Variants in RXRA observed in about 807,000 individuals in gnomAD.
The protein encoded by RXRA is retinoid X receptor alpha.
A neutral mutation model predicts 44.5 loss-of-function variants in RXRA; 5 were observed. That is an observed-to-expected ratio of 0.11 (90% CI 0.06 to 0.24). The LOEUF (loss-of-function observed/expected upper bound fraction) is 0.24. Ranked by LOEUF, RXRA falls within the 10% of genes least tolerant of loss-of-function variation. The pLI is 1.00. For synonymous variants in RXRA, 291 were observed against 271.4 expected (o/e 1.07, Z -0.71); for missense variants, 412 against 646.5 (o/e 0.64, Z 3.93).
intron 1 of RXRA, among the ~76,000 whole-genome samples, chr9:134,398,972 C>T (rs796561244): frequency 3.3e-5 from 5 of 152,386 alleles, no homozygotes; most frequent in African/African-American, 1.2e-4. Context: ...CTTGTCCCTT[C>T]TGCCTTGAAG....
chr9:134,368,837 T>G (rs1000641667), intron 1 of RXRA, among the ~76,000 whole-genome samples: 5 of 148,562 alleles, frequency 3.4e-5, no homozygotes, highest in Admixed American at 2.7e-4. Context: ...TATGTGTGAC[T>G]GCATATGTGT....
At chr9:134,406,250 T>G (rs1536474) in intron 2 of RXRA, 93,492 of 151,590 alleles carry the variant, frequency 0.62, 31,549 homozygotes, top group East Asian at 0.78. Flanking sequence ...AAAAAATAGC[T>G]GAGTGCAGTG....
chr9:134,379,497 C>T (rs980653727), intron 1 of RXRA: 1 of 986,510 alleles, frequency 1.0e-6, no homozygotes, highest in African/African-American at 1.7e-5. Flanking sequence ...CGCTGCCCAT[C>T]ACTGACCGTC....
chr9:134,418,558 G>A (rs1319336559), intron 5 of RXRA, among the ~76,000 whole-genome samples: 6 of 152,180 alleles, frequency 3.9e-5, no homozygotes, highest in Non-Finnish European at 7.4e-5. Context: ...CAGGGCCTTC[G>A]TGCTTGCAGC....
At chr9:134,428,874 G>A (rs191495585) in intron 6 of RXRA, among the ~76,000 whole-genome samples, 56 of 152,344 alleles carry the variant, frequency 3.7e-4, no homozygotes, top group Admixed American at 7.2e-4. Flanking sequence ...GTTCCACAAA[G>A]CTCAAGGGAC....
chr9:134,421,140 T>C (rs905317525), intron 5 of RXRA, among the ~76,000 whole-genome samples: 1 of 152,214 alleles, frequency 6.6e-6, no homozygotes, highest in East Asian at 1.9e-4. Context: ...TGCGTCCTGC[T>C]GTAACCCAGT....
At chr9:134,392,587 C>T (rs954560963) in intron 1 of RXRA, among the ~76,000 whole-genome samples, 1 of 152,178 alleles carries the variant, frequency 6.6e-6, no homozygotes, top group African/African-American at 2.4e-5. Flanking sequence ...CTGGCTGGGC[C>T]AAGCCCTCCT....
At chr9:134,327,248 C>T in intron 1 of RXRA, among the ~76,000 whole-genome samples, 1 of 152,138 alleles carries the variant, frequency 6.6e-6, no homozygotes, top group East Asian at 1.9e-4. Context: ...TGGGAAGGCC[C>T]CATTCCAGAA....
intron 4 of RXRA, among the ~76,000 whole-genome samples, chr9:134,412,174 G>T (rs35802086): frequency 0.026 from 3,943 of 152,336 alleles, 130 homozygotes; most frequent in South Asian, 0.11. Context: ...CCTGGAGAAA[G>T]CTATGGGGCC....
chr9:134,352,064 G>C (rs544466563), intron 1 of RXRA, among the ~76,000 whole-genome samples: 3 of 152,224 alleles, frequency 2.0e-5, no homozygotes, highest in Non-Finnish European at 4.4e-5. Context: ...CGGGGAGGGA[G>C]CGAGGCTGCA....
chr9:134,391,898 G>A (rs1830805871), intron 1 of RXRA, among the ~76,000 whole-genome samples: 1 of 152,224 alleles, frequency 6.6e-6, no homozygotes, highest in African/African-American at 2.4e-5. Context: ...GCAGGACGGG[G>A]GCAGGAGGAG....
At chr9:134,392,943 G>A (rs1482945564) in intron 1 of RXRA, among the ~76,000 whole-genome samples, 4 of 152,096 alleles carry the variant, frequency 2.6e-5, no homozygotes, top group Admixed American at 6.5e-5. Context: ...GTCATTGCCA[G>A]CCCCTCAGCC....
rs1199560025 is a variant in RXRA at position 134,407,691 on chromosome 9, T to C, written c.280-458T>C. 1.3e-5 allele frequency among the ~76,000 whole-genome samples: 2 copies of C among 152,020 alleles called. No individual in the cohort carries two copies. The highest frequency in any genetic ancestry group is 2.4e-5 in the African/African-American group (1 of 41,394). ...TTCTTGGGGGGGTCCCCAGCCCTCC[T>C]CCGTCCTGGGAACTGGGCTTCGGCG... On this transcript the variant is annotated intron_variant, in intron 2 of 9. Coordinates refer to ENST00000481739, the MANE Select transcript of RXRA (RefSeq NM_002957.6). This position sits in a 1 kb window ranked among gnomAD's most constrained non-coding sequence, Gnocchi z 4.8.
In RXRA at chr9:134,326,491, C is replaced by T. The variant is rs1316441040; in HGVS notation, c.-141C>T. 7.0e-6 allele frequency: 1 copy of T among 142,368 alleles called. No individual in the cohort carries two copies. The highest frequency in any genetic ancestry group is 2.1e-4 in the East Asian group (1 of 4,702). 8.8% of individuals were successfully genotyped at this position (142,368 alleles called of 1,614,324 possible). A position where few individuals can be genotyped will look rare whatever the true frequency, so the allele number is the denominator to read the frequency against. On this transcript the variant is annotated 5_prime_UTR_variant, in exon 1 of 10. Coordinates refer to ENST00000481739, the MANE Select transcript of RXRA (RefSeq NM_002957.6). ...TTGGGCGACTTTTGCAACAACTCGC[C>T]GCGCCGCGGCCTCCGCGCGCCGCCG... is the stretch of plus-strand genomic sequence containing the variant.
chr9:134,412,742 C>T (rs1316129754), intron 4 of RXRA, among the ~76,000 whole-genome samples: 1 of 152,132 alleles, frequency 6.6e-6, no homozygotes, highest in African/African-American at 2.4e-5. Flanking sequence ...GGGACACGTG[C>T]TCTGATGGGG....
At chr9:134,389,325 G>A (rs546150208) in intron 1 of RXRA, among the ~76,000 whole-genome samples, 1 of 152,212 alleles carries the variant, frequency 6.6e-6, no homozygotes, top group Non-Finnish European at 1.5e-5. Context: ...ATCCAGAGAA[G>A]TGGACGTTGG....
At chr9:134,333,791 G>T (rs1317729247) in intron 1 of RXRA, among the ~76,000 whole-genome samples, 16 of 152,164 alleles carry the variant, frequency 1.1e-4, no homozygotes, top group Non-Finnish European at 2.1e-4. Flanking sequence ...GGCTGGAGTC[G>T]CTGGGGTGGG....
rs1427305126 is a variant in RXRA at position 134,436,448 on chromosome 9, C to T, written c.1242-19C>T. ...GCCCATGCCCCTTGCCCGGCCCTCA[C>T]CAGACCTGTTCCCTGCAGGTTCGCT... On this transcript the variant is annotated intron_variant, in intron 9 of 9. Coordinates refer to ENST00000481739, the MANE Select transcript of RXRA (RefSeq NM_002957.6). 3.7e-6 allele frequency: 6 copies of T among 1,612,996 alleles called. No homozygotes were observed. Among genetic ancestry groups the T allele is most frequent in the Non-Finnish European group, 5.1e-6 (6 of 1,179,666 alleles).
At chr9:134,377,250 A>G (rs1830569573) in intron 1 of RXRA, among the ~76,000 whole-genome samples, 1 of 152,146 alleles carries the variant, frequency 6.6e-6, no homozygotes, top group African/African-American at 2.4e-5. Context: ...CGCCAGCCCC[A>G]GGGGTGTTGG....
Sources: gnomAD v4.1 joint callset for allele counts (sites outside exome capture counted in the v4.1 genomes callset) on GRCh38, gnomAD v4.1.1 for gene constraint, Gnocchi (gnomAD v3.1) non-coding constraint, MANE v1.5 for transcripts, NCBI Gene and HGNC (gene_info 2026-07-23, HGNC 2026-07-21) for gene names.